The following XPR1 variants were observed in gnomAD, a reference collection of about 807,000 sequenced individuals.
XPR1 encodes solute carrier family 53 member 1.
XPR1 carries 28 observed loss-of-function variants against 87.5 expected under a neutral mutation model. The observed-to-expected ratio is 0.32, with a 90% CI of 0.24 to 0.44. The LOEUF (loss-of-function observed/expected upper bound fraction) is 0.44, where lower values mean the gene tolerates loss of function less well. Among genes scored for constraint, XPR1 ranks in the 20% least tolerant of loss-of-function variants. The pLI, the probability that XPR1 is intolerant of heterozygous loss-of-function variation, is 1.00. For missense variants in XPR1, 559 were observed against 862.3 expected, an observed-to-expected ratio of 0.65 and a Z score of 4.41; for synonymous variants, 300 against 306.1, an observed-to-expected ratio of 0.98 and a Z score of 0.21.
rs1203642833 is a variant in XPR1, at chr1:180,632,039, G to A, written c.-163G>A. 2.6e-6 allele frequency: 2 copies of A among 757,344 alleles called. No homozygotes were observed. Among genetic ancestry groups the A allele is most frequent in the African/African-American group, 1.7e-5 (1 of 57,870 alleles). The allele number at this position is 757,344 out of a possible 1,614,324, so 46.9% of individuals were successfully genotyped here. On this transcript the variant is annotated 5_prime_UTR_variant, in exon 1 of 15. Transcript: ENST00000367590. ...GCGGGGCTATGGAGAGGAGGAGGAA[G>A]ATGGCGGGCGGGCTGCTCTGAAGAG... is the stretch of plus-strand genomic sequence containing the variant.
intron 2 of XPR1, among the ~76,000 whole-genome samples, chr1:180,781,763 C>T (rs1429494033): frequency 1.3e-5 from 2 of 151,924 alleles, no homozygotes; most frequent in Non-Finnish European, 2.9e-5. Flanking sequence ...TGGTGTGCTG[C>T]ACCCATTAAC....
intron 1 of XPR1, among the ~76,000 whole-genome samples, chr1:180,674,723 C>T (rs1656309168): frequency 1.3e-5 from 2 of 152,040 alleles, no homozygotes; most frequent in Admixed American, 6.5e-5. Context: ...CATTGTCTGA[C>T]ATCATAGCTC....
chr1:180,670,561 T>C (rs74928150), intron 1 of XPR1, among the ~76,000 whole-genome samples: 3,660 of 152,304 alleles, frequency 0.024, 153 homozygotes, highest in African/African-American at 0.082. Flanking sequence ...ATATACTGTG[T>C]GCCCAGAAAC....
At chr1:180,881,194 C>T (rs111930356) in intron 14 of XPR1, among the ~76,000 whole-genome samples, 1,893 of 151,616 alleles carry the variant, frequency 0.012, 28 homozygotes, top group African/African-American at 0.043. Flanking sequence ...GATGGAGTCT[C>T]GCTCTGTTGC....
chr1:180,739,902 G>A lies in XPR1; in HGVS notation c.122-47851G>A, dbSNP rs953631695. ...ACTATAGGCGCTTTTGATGGAGATGGGGTTTCACCATATTGGCCAGGCTGG... is the reference window on the plus strand; with the variant it reads ...ACTATAGGCGCTTTTGATGGAGATGAGGTTTCACCATATTGGCCAGGCTGG... On this transcript the variant is annotated intron_variant, in intron 2 of 14. Transcript: ENST00000367590. 3.3e-5 allele frequency among the ~76,000 whole-genome samples: 5 copies of A among 152,150 alleles called. No homozygotes were observed. In the East Asian group the frequency reaches 5.8e-4, roughly 18 times the overall value.
chr1:180,704,245 G>GACATATATATATATAT (rs1553238721), intron 2 of XPR1, among the ~76,000 whole-genome samples: 1 of 66,054 alleles, frequency 1.5e-5, no homozygotes, highest in Non-Finnish European at 3.0e-5. Flanking sequence ...ATAGGTGCTG[G>GACATATATATATATAT]ATATATATAT....
chr1:180,890,204 A>G lies in XPR1; in HGVS notation c.*6138A>G, dbSNP rs1180913520. 6.6e-6 allele frequency: 1 copy of G among 152,232 alleles called. No homozygotes were observed. Among genetic ancestry groups the G allele is most frequent in the African/African-American group, 2.4e-5 (1 of 41,454 alleles). The allele number at this position is 152,232 out of a possible 1,614,324, so 9.4% of individuals were successfully genotyped here. A position where few individuals can be genotyped will look rare whatever the true frequency, so the allele number is the denominator to read the frequency against. ...TAAAGAAAATAAGTGATTGGTCACT[A>G]AACTCTGTCCTTTTTTCATTATTAC... On this transcript the variant is annotated 3_prime_UTR_variant, in exon 15 of 15. Coordinates refer to ENST00000367590, the MANE Select transcript of XPR1 (RefSeq NM_004736.4).
At chr1:180,645,815 A>T (rs1174796469) in intron 1 of XPR1, among the ~76,000 whole-genome samples, 2 of 152,230 alleles carry the variant, frequency 1.3e-5, no homozygotes, top group Non-Finnish European at 2.9e-5. Flanking sequence ...GACACAGTAC[A>T]TAGACTCAAC....
intron 2 of XPR1, among the ~76,000 whole-genome samples, chr1:180,756,794 A>G (rs1464049489): frequency 6.6e-6 from 1 of 152,224 alleles, no homozygotes; most frequent in African/African-American, 2.4e-5. Context: ...CGATACTGGA[A>G]AAAGAGGAAG....
chr1:180,726,281 A>T (rs1658339450), intron 2 of XPR1, among the ~76,000 whole-genome samples: 1 of 152,194 alleles, frequency 6.6e-6, no homozygotes, highest in African/African-American at 2.4e-5. Flanking sequence ...CAAATAAGGG[A>T]ATAAAAGCTG....
intron 2 of XPR1, among the ~76,000 whole-genome samples, chr1:180,722,395 T>C (rs1035236565): frequency 2.6e-5 from 4 of 152,176 alleles, no homozygotes; most frequent in African/African-American, 4.8e-5. Context: ...CGCCCGGCCC[T>C]TAAAATGTTA....
intron 3 of XPR1, among the ~76,000 whole-genome samples, chr1:180,801,699 A>G (rs1273567284): frequency 6.6e-6 from 1 of 152,192 alleles, no homozygotes; most frequent in Non-Finnish European, 1.5e-5. Context: ...GAATAGGAGA[A>G]TTATGAGAAA....
intron 2 of XPR1, among the ~76,000 whole-genome samples, chr1:180,722,108 G>GA (rs960378260): frequency 6.7e-5 from 10 of 149,554 alleles, no homozygotes; most frequent in African/African-American, 2.0e-4. Context: ...ACAAAAAATA[G>GA]AAAAAAAAAA....
At chr1:180,743,173 A>C (rs1658973689) in intron 2 of XPR1, among the ~76,000 whole-genome samples, 1 of 144,132 alleles carries the variant, frequency 6.9e-6, no homozygotes, top group African/African-American at 2.6e-5. Context: ...TGTTATTATT[A>C]TTATTTTTTT....
chr1:180,733,321 G>A (rs375807498), intron 2 of XPR1, among the ~76,000 whole-genome samples: 14 of 152,198 alleles, frequency 9.2e-5, no homozygotes, highest in African/African-American at 2.6e-4. Context: ...TCCCTTCCCC[G>A]CTTCCATATC....
chr1:180,696,214 A>ATG (rs1557961771), intron 2 of XPR1, among the ~76,000 whole-genome samples: 8 of 118,248 alleles, frequency 6.8e-5, no homozygotes, highest in African/African-American at 2.8e-4. Context: ...GTGTGTATAT[A>ATG]TATATATATA....
chr1:180,884,267 T>C lies in XPR1; in HGVS notation c.*201T>C. The C allele has an allele frequency of 2.1e-6, 1 of 475,910 alleles. No homozygotes were observed. Among genetic ancestry groups the C allele is most frequent in the Non-Finnish European group, 3.7e-6 (1 of 267,480 alleles). 29.5% of individuals were successfully genotyped at this position (475,910 alleles called of 1,614,324 possible). On this transcript the variant is annotated 3_prime_UTR_variant, in exon 15 of 15. Transcript: ENST00000367590. ...TTTTCTTCTGGTTTAATTTTAATTT[T>C]CTATTTTCAAAACAAATATTTACTT...
chr1:180,882,883 G>A (rs1652887389), intron 14 of XPR1, among the ~76,000 whole-genome samples: 1 of 151,930 alleles, frequency 6.6e-6, no homozygotes, highest in African/African-American at 2.4e-5. Context: ...AACTCTTTTG[G>A]TTTCTCATGT....
chr1:180,705,523 T>C (rs538420920), intron 2 of XPR1, among the ~76,000 whole-genome samples: 29 of 152,218 alleles, frequency 1.9e-4, no homozygotes, highest in Non-Finnish European at 3.7e-4. Context: ...TTCCAAAATA[T>C]GTTCTTATTA....
Sources: gnomAD v4.1 joint callset for allele counts (sites outside exome capture counted in the v4.1 genomes callset) on GRCh38, gnomAD v4.1.1 for gene constraint, MANE v1.5 for transcripts, NCBI Gene and HGNC (gene_info 2026-07-23, HGNC 2026-07-21) for gene names.